Variants in SSBP3 observed in about 807,000 individuals in gnomAD.
The protein encoded by SSBP3 is single-stranded DNA-binding protein 3.
In SSBP3, 5 loss-of-function variants were observed where a neutral mutation model predicts 69.6. The ratio of observed to expected loss-of-function variants is 0.07; its 90% CI spans 0.04 to 0.15. The LOEUF is 0.15. SSBP3 is among the 10% of genes least tolerant of loss of function. The probability of loss-of-function intolerance (pLI) is 1.00; values close to 1 mark genes in which losing one functional copy is unlikely to be tolerated. For synonymous variants in SSBP3, 196 were observed against 193.4 expected (o/e 1.01, Z -0.11); for missense variants, 312 against 534.0 (o/e 0.58, Z 4.10).
chr1:54,255,195 T>C (rs1644900364), intron 7 of SSBP3, among the ~76,000 whole-genome samples: 1 of 150,036 alleles, frequency 6.7e-6, no homozygotes, highest in Non-Finnish European at 1.5e-5. Flanking sequence ...TTGGGAAAAC[T>C]GGTGTGTAAT....
intron 5 of SSBP3, among the ~76,000 whole-genome samples, chr1:54,270,442 A>G (rs1026394168): frequency 6.6e-6 from 1 of 152,172 alleles, no homozygotes; most frequent in Non-Finnish European, 1.5e-5. Flanking sequence ...GGTGGACAAG[A>G]TGAAGGGAAG....
intron 5 of SSBP3, among the ~76,000 whole-genome samples, chr1:54,272,110 G>A (rs1396842337): frequency 6.6e-6 from 1 of 152,214 alleles, no homozygotes; most frequent in African/African-American, 2.4e-5. Context: ...CAGGATCACA[G>A]GTGGGCCTGG....
intron 4 of SSBP3, among the ~76,000 whole-genome samples, chr1:54,377,784 T>C (rs907026300): frequency 6.6e-6 from 1 of 152,164 alleles, no homozygotes; most frequent in Non-Finnish European, 1.5e-5. Flanking sequence ...AGATAAAAAC[T>C]GGCTTTGATG....
chr1:54,251,962 G>A (rs1644838231), intron 7 of SSBP3, 102 bp from the exon 8 acceptor site: 1 of 1,008,126 alleles, frequency 9.9e-7, no homozygotes, highest in East Asian at 2.6e-5. Context: ...TGATCACGTG[G>A]AGCCACTCAT....
intron 4 of SSBP3, among the ~76,000 whole-genome samples, chr1:54,331,541 A>T (rs1646410727): frequency 6.6e-6 from 1 of 152,318 alleles, no homozygotes; most frequent in African/African-American, 2.4e-5. Flanking sequence ...CACACCTGTG[A>T]TCTACTGTGC....
At chr1:54,270,351 C>G (rs1645171705) in intron 5 of SSBP3, among the ~76,000 whole-genome samples, 1 of 152,138 alleles carries the variant, frequency 6.6e-6, no homozygotes, top group Non-Finnish European at 1.5e-5. Flanking sequence ...TGCCTCCCAG[C>G]CTCGACCTCC....
At chr1:54,230,984 T>C (rs916037385) in intron 14 of SSBP3, among the ~76,000 whole-genome samples, 3 of 152,254 alleles carry the variant, frequency 2.0e-5, no homozygotes, top group Admixed American at 6.5e-5. Flanking sequence ...ATGACACTCA[T>C]GTCTGCCGTG....
chr1:54,340,448 A>C (rs1263685801), intron 4 of SSBP3, among the ~76,000 whole-genome samples: 1 of 152,154 alleles, frequency 6.6e-6, no homozygotes, highest in African/African-American at 2.4e-5. Flanking sequence ...CATCTCCCCA[A>C]GTTGTGGGCA....
intron 9 of SSBP3, 115 bp downstream of exon 9, chr1:54,251,501 C>T: frequency 8.6e-7 from 1 of 1,159,190 alleles, no homozygotes. Context: ...CCATGCCCTT[C>T]CTCTCACCCC....
chr1:54,294,250 C>CT (rs1181021478), intron 4 of SSBP3, among the ~76,000 whole-genome samples: 7 of 151,342 alleles, frequency 4.6e-5, no homozygotes, highest in African/African-American at 1.7e-4. Flanking sequence ...AGGTCAAACT[C>CT]TAAGACTAGC....
chr1:54,354,400 C>T (rs1201429065), intron 4 of SSBP3, among the ~76,000 whole-genome samples: 2 of 152,226 alleles, frequency 1.3e-5, no homozygotes, highest in Non-Finnish European at 1.5e-5. Context: ...CTGAGGGTCA[C>T]CCCACTGAAC....
chr1:54,404,703 G>T, intron 2 of SSBP3, 66 bp from the exon 3 acceptor site: 1 of 1,578,078 alleles, frequency 6.3e-7, no homozygotes, highest in Non-Finnish European at 8.7e-7. Flanking sequence ...GCTTCCCAGA[G>T]CCAAAAGGCT....
At chr1:54,381,770 G>GA (rs1212579921) in intron 4 of SSBP3, among the ~76,000 whole-genome samples, 1 of 152,258 alleles carries the variant, frequency 6.6e-6, no homozygotes, top group Non-Finnish European at 1.5e-5. Flanking sequence ...CCAGCGCAGT[G>GA]AGACAGGGTG....
At chr1:54,297,505 C>T (rs1488105321) in intron 4 of SSBP3, among the ~76,000 whole-genome samples, 3 of 152,180 alleles carry the variant, frequency 2.0e-5, no homozygotes, top group Non-Finnish European at 2.9e-5. Context: ...GTGGTGCCTG[C>T]CTGTAATCTC....
At chr1:54,306,058 C>G (rs1243063041) in intron 4 of SSBP3, among the ~76,000 whole-genome samples, 2 of 151,870 alleles carry the variant, frequency 1.3e-5, no homozygotes, top group Non-Finnish European at 2.9e-5. Context: ...GGTTCTCCCT[C>G]TCCCATCCTA....
intron 4 of SSBP3, among the ~76,000 whole-genome samples, chr1:54,398,745 C>T (rs777067365): frequency 3.3e-5 from 5 of 152,250 alleles, no homozygotes; most frequent in Non-Finnish European, 4.4e-5. Context: ...TCCCATGACC[C>T]GGGGGACCTC....
chr1:54,228,382 C>G (rs1441936155), intron 16 of SSBP3, 26 bp from the exon 17 acceptor site: 1 of 1,614,100 alleles, frequency 6.2e-7, no homozygotes, highest in East Asian at 2.2e-5. Context: ...AGGAGGTGAG[C>G]ACCTGTGTCC....
At chr1:54,332,275 T>C (rs1303214791) in intron 4 of SSBP3, among the ~76,000 whole-genome samples, 1 of 152,110 alleles carries the variant, frequency 6.6e-6, no homozygotes, top group East Asian at 1.9e-4. Flanking sequence ...GACTCCCACA[T>C]GGCAGTCACA....
At chr1:54,289,039 A>AAAAAC (rs1557499443) in intron 4 of SSBP3, among the ~76,000 whole-genome samples, 1 of 53,610 alleles carries the variant, frequency 1.9e-5, no homozygotes, top group African/African-American at 1.3e-4. Context: ...AAAAAAAACA[A>AAAAAC]AAAAACAAAA....
Sources: allele counts gnomAD v4.1 joint callset (sites outside exome capture counted in the v4.1 genomes callset), GRCh38; gene constraint gnomAD v4.1.1; transcripts MANE v1.5; gene names NCBI Gene and HGNC (gene_info 2026-07-23, HGNC 2026-07-21).